The following RP1L1 variants were observed in gnomAD, a reference collection of about 807,000 sequenced individuals.
RP1L1 encodes retinitis pigmentosa 1-like 1 protein.
A neutral mutation model predicts 15.7 loss-of-function variants in RP1L1; 27 were observed. The observed-to-expected ratio is 1.72, with a 90% CI of 1.27 to 2.38. RP1L1 has a LOEUF of 2.38. RP1L1 is among the 30% of genes most tolerant of loss of function. The pLI is 0.00. For synonymous variants in RP1L1, 1,813 were observed against 1,276.7 expected, an observed-to-expected ratio of 1.42 and a Z score of -8.96; for missense variants, 4,798 against 3,075.9, an observed-to-expected ratio of 1.56 and a Z score of -13.24.
At chr8:10,627,492 G>A (rs1766310325) in intron 1 of RP1L1, among the ~76,000 whole-genome samples, 1 of 152,028 alleles carries the variant, frequency 6.6e-6, no homozygotes, top group African/African-American at 2.4e-5. Flanking sequence ...AGGTACGAGA[G>A]GGGAGTTAAT....
chr8:10,609,349 C>A lies in RP1L1; in HGVS notation c.4749G>T (p.Ala1583=). ...TTGGAGGCTCCAGCACCATCCTACCCGCCCGGCCCTGGAGCTTCTGGAGCT... is the reference window on the plus strand; with the variant it reads ...TTGGAGGCTCCAGCACCATCCTACCAGCCCGGCCCTGGAGCTTCTGGAGCT... ...KRELQKLQGR[A]GRMVLEPPRE... Residue 1583 remains alanine, a synonymous_variant, in exon 4 of 4, where the codon GCG becomes GCT. Transcript: ENST00000382483. 1 of 1,612,310 alleles carries A rather than the reference C, an allele frequency of 6.2e-7. No individual in the cohort carries two copies.
chr8:10,607,864 G>A lies in RP1L1; in HGVS notation c.6234C>T (p.Ala2078=). The change falls in exon 4 of 4, where the codon GCC becomes GCT. Residue 2078 remains alanine, a synonymous_variant. Transcript: ENST00000382483. ...CATCTACATCTTCTGACTCTGGGTGGGCCTCCCCTTCTGCCTCCTGGACCT... is the reference window on the plus strand; with the variant it reads ...CATCTACATCTTCTGACTCTGGGTGAGCCTCCCCTTCTGCCTCCTGGACCT... ...EGEVQEAEGE[A]HPESEDVDAQ... 1 of 1,578,580 alleles carries A rather than the reference G, an allele frequency of 6.3e-7. No homozygotes were observed. Among genetic ancestry groups the A allele is most frequent in the Non-Finnish European group, 8.6e-7 (1 of 1,164,640 alleles).
intron 1 of RP1L1, among the ~76,000 whole-genome samples, chr8:10,635,505 T>C (rs1446879379): frequency 6.6e-6 from 1 of 152,088 alleles, no homozygotes; most frequent in African/African-American, 2.4e-5. Flanking sequence ...ACTCTACAAA[T>C]CCCTATGGAA....
At chr8:10,622,383 C>T (rs139725347) in intron 2 of RP1L1, among the ~76,000 whole-genome samples, 39 of 151,518 alleles carry the variant, frequency 2.6e-4, no homozygotes, top group South Asian at 4.2e-4. Flanking sequence ...TGCCACTTAC[C>T]GCATGCTCTC....
At chr8:10,627,263 A>C (rs1798173484) in intron 1 of RP1L1, among the ~76,000 whole-genome samples, 3 of 152,212 alleles carry the variant, frequency 2.0e-5, no homozygotes, top group Admixed American at 2.0e-4. Flanking sequence ...ACAGATTAAC[A>C]AAATGCGATA....
At position 10,631,347 on chromosome 8, in the gene RP1L1, A is replaced by ACACACACG. The variant is rs1563135333; in HGVS notation, c.-19-8128_-19-8127insCGTGTGTG. On this transcript the variant is annotated intron_variant, in intron 1 of 3. Coordinates refer to ENST00000382483, the MANE Select transcript of RP1L1 (RefSeq NM_178857.6). Reference sequence around the variant, plus strand: ...CGCACACACACATGCACACACACGCACACACATGCACACAAACACACATGC... The same window carrying ACACACACG: ...CGCACACACACATGCACACACACGCACACACACGCACACATGCACACAAACACACATGC... Among the ~76,000 whole-genome samples the ACACACACG allele has an allele frequency of 1.3e-4, 7 of 53,020 alleles. 1 individual carries two copies. The highest frequency in any genetic ancestry group is 3.4e-3 in the East Asian group (1 of 292). The allele number at this position is 53,020 out of a possible 152,430, so 34.8% of individuals were successfully genotyped here. A position where few individuals can be genotyped will look rare whatever the true frequency, so the allele number is the denominator to read the frequency against.
chr8:10,626,315 C>G (rs1798156958), intron 1 of RP1L1, among the ~76,000 whole-genome samples: 1 of 152,112 alleles, frequency 6.6e-6, no homozygotes, highest in Admixed American at 6.5e-5. Context: ...GAGGGCTGAG[C>G]AGGGAGAGGG....
At position 10,608,372 on chromosome 8, in the gene RP1L1, G is replaced by A. The variant is rs866793731; in HGVS notation, c.5726C>T (p.Pro1909Leu). The A allele has an allele frequency of 1.4e-5, 22 of 1,606,908 alleles. No homozygotes were observed. The highest frequency in any genetic ancestry group is 6.8e-5 in the Admixed American group (4 of 59,192). The change falls in exon 4 of 4, where the codon CCG becomes CTG. Residue 1909 changes from proline (P) to leucine (L), a missense_variant. Pro to Leu is a moderately conservative substitution (Grantham distance 98). Coordinates refer to ENST00000382483, the MANE Select transcript of RP1L1 (RefSeq NM_178857.6). Reference protein sequence around the residue: ...VQPESEGAEAPEAEKEAQPET... With the variant: ...VQPESEGAEALEAEKEAQPET... ...TGGCTGGGCCTCCTTTTCTGCCTCC[G>A]GGGCTTCTGCACCTTCTGACTCTGG...
chr8:10,618,312 C>T (rs752606386), intron 2 of RP1L1, among the ~76,000 whole-genome samples: 1 of 151,966 alleles, frequency 6.6e-6, no homozygotes, highest in Non-Finnish European at 1.5e-5. Flanking sequence ...TCAGCCTGGG[C>T]ATCATGGTGA....
At chr8:10,626,750 T>A (rs887258146) in intron 1 of RP1L1, among the ~76,000 whole-genome samples, 25 of 152,218 alleles carry the variant, frequency 1.6e-4, no homozygotes, top group African/African-American at 5.5e-4. Flanking sequence ...GTATCAAAGT[T>A]TGGGAAAGAC....
chr8:10,631,415 G>A (rs13248250), intron 1 of RP1L1, among the ~76,000 whole-genome samples: 73 of 143,124 alleles, frequency 5.1e-4, no homozygotes, highest in African/African-American at 1.5e-3. Flanking sequence ...ACGCACACAC[G>A]CACACACACA....
chr8:10,634,239 G>A (rs1798296870), intron 1 of RP1L1, among the ~76,000 whole-genome samples: 1 of 152,142 alleles, frequency 6.6e-6, no homozygotes, highest in Non-Finnish European at 1.5e-5. Flanking sequence ...TAAATCAACT[G>A]AACCATGTGC....
chr8:10,619,544 C>G (rs1798025347), intron 2 of RP1L1, among the ~76,000 whole-genome samples: 1 of 152,158 alleles, frequency 6.6e-6, no homozygotes. Flanking sequence ...TTCTGGGAAT[C>G]TTTTCCAGGA....
intron 1 of RP1L1, among the ~76,000 whole-genome samples, chr8:10,624,964 C>T (rs1248288583): frequency 6.6e-6 from 1 of 152,178 alleles, no homozygotes; most frequent in Admixed American, 6.5e-5. Flanking sequence ...TAGGAAGAAG[C>T]CTGGGTGGGG....
chr8:10,612,733 T>G lies in RP1L1; in HGVS notation c.1365A>C (p.Pro455=). Residue 455 remains proline (P), a synonymous_variant, in exon 4 of 4, where the codon CCA becomes CCC. Transcript: ENST00000382483. ...RERCSQDSAS[P]ASSTGLPEGS... ...CCTCGGGGAGGCCGGTGCTGGAGGC[T>G]GGGCTGGCACTGTCCTGGCTGCATC... The G allele has an allele frequency of 1.2e-6, 2 of 1,606,614 alleles. No individual in the cohort carries two copies.
Position 10,606,563 on chromosome 8 carries a change from C to T in RP1L1, c.*332G>A, listed in dbSNP as rs145601298. The stretch of plus-strand genomic sequence containing the variant: ...TGCTAGCAGAAAACAAACCCACAAA[C>T]AAAAGCTAAACTGGAGCCTTTCCAA... On this transcript the variant is annotated 3_prime_UTR_variant, in exon 4 of 4. Coordinates refer to ENST00000382483, the MANE Select transcript of RP1L1 (RefSeq NM_178857.6). 1,265 of 322,576 alleles carry T rather than the reference C, an allele frequency of 3.9e-3. 18 individuals are homozygous for T. The highest frequency in any genetic ancestry group is 0.025 in the African/African-American group (1,160 of 46,302). 20.0% of individuals were successfully genotyped at this position (322,576 alleles called of 1,614,324 possible).
At chr8:10,649,647 G>C (rs968058816) in intron 1 of RP1L1, among the ~76,000 whole-genome samples, 3 of 152,244 alleles carry the variant, frequency 2.0e-5, no homozygotes, top group African/African-American at 7.2e-5. Context: ...GGGAGGCCAA[G>C]GCAGCTGGAT....
Position 10,609,951 on chromosome 8 carries a change from C to T in RP1L1, c.4147G>A (p.Gly1383Arg), listed in dbSNP as rs1241200968. Residue 1383 changes from glycine (G) to arginine (R), a missense_variant, in exon 4 of 4, where the codon GGA becomes AGA. Transcript: ENST00000382483. ...QLEEVKEGPE[G>R]GLQGEALEEG... is the part of the protein sequence containing the mutation. The stretch of plus-strand genomic sequence containing the variant: ...TCAAGAGCCTCTCCTTGCAGTCCTC[C>T]TTCTGGCCCTTCTTTAACTTCCTCT... 2 of 1,598,378 alleles carry T rather than the reference C, an allele frequency of 1.3e-6. No individual in the cohort carries two copies. The highest frequency in any genetic ancestry group is 8.5e-7 in the Non-Finnish European group (1 of 1,170,258).
chr8:10,642,473 G>A (rs539398603), intron 1 of RP1L1, among the ~76,000 whole-genome samples: 2 of 152,264 alleles, frequency 1.3e-5, no homozygotes, highest in South Asian at 4.1e-4. Context: ...GCGATGGTTG[G>A]GGCTACAGAT....
Sources: allele counts gnomAD v4.1 joint callset (sites outside exome capture counted in the v4.1 genomes callset), GRCh38; gene constraint gnomAD v4.1.1; transcripts MANE v1.5; gene names NCBI Gene and HGNC (gene_info 2026-07-23, HGNC 2026-07-21).